ADAM9: variants seen among roughly 807,000 people sequenced by gnomAD.
The protein encoded by ADAM9 is ADAM metallopeptidase domain 9, also known as disintegrin and metalloproteinase domain-containing protein 9.
Under a neutral mutation model 108.1 loss-of-function variants are expected in ADAM9, and 54 were observed. The ratio of observed to expected loss-of-function variants is 0.50; its 90% CI spans 0.40 to 0.63. The LOEUF is 0.63. Among genes scored for constraint, ADAM9 ranks in the 20% least tolerant of loss-of-function variants. The pLI, the probability that ADAM9 is intolerant of heterozygous loss-of-function variation, is 0.00. For synonymous variants in ADAM9, 316 were observed against 336.0 expected (o/e 0.94, Z 0.65); for missense variants, 830 against 997.7 (o/e 0.83, Z 2.26).
chr8:39,030,314 C>A (rs1247787066), intron 11 of ADAM9, among the ~76,000 whole-genome samples: 1 of 152,050 alleles, frequency 6.6e-6, no homozygotes, highest in Non-Finnish European at 1.5e-5. Context: ...TCCATAGTTT[C>A]GTGTTTTCCA....
intron 10 of ADAM9, 62 bp downstream of exon 10, chr8:39,025,946 G>T: frequency 6.7e-7 from 1 of 1,492,030 alleles, no homozygotes; most frequent in South Asian, 1.1e-5. Flanking sequence ...AGCATTTATT[G>T]ACTGTATACT....
intron 13 of ADAM9, among the ~76,000 whole-genome samples, chr8:39,054,903 A>G (rs548738313): frequency 6.6e-6 from 1 of 152,290 alleles, no homozygotes; most frequent in African/African-American, 2.4e-5. Context: ...ACCACTGTTG[A>G]TAATTTGTTA....
intron 1 of ADAM9, among the ~76,000 whole-genome samples, chr8:38,998,128 T>G (rs1564206916): frequency 6.6e-6 from 1 of 152,252 alleles, no homozygotes; most frequent in Non-Finnish European, 1.5e-5. Flanking sequence ...GATTGAAAGT[T>G]ATTCAAAGGT....
At chr8:39,023,906 C>G (rs1836837407) in intron 9 of ADAM9, among the ~76,000 whole-genome samples, 1 of 152,022 alleles carries the variant, frequency 6.6e-6, no homozygotes, top group South Asian at 2.1e-4. Context: ...GCCCCCACAC[C>G]TGGCTAATTT....
In ADAM9 at chr8:39,033,942, T is replaced by C. The variant is rs1176546017; in HGVS notation, c.1130+7132T>C. On this transcript the variant is annotated intron_variant, in intron 11 of 21. Coordinates refer to ENST00000487273, the MANE Select transcript of ADAM9 (RefSeq NM_003816.3). ...TTACACATTGTATGAATGGATCAAG[T>C]GATCACATGTATCCTGAGAATATAT... 2.6e-5 allele frequency among the ~76,000 whole-genome samples: 4 copies of C among 152,350 alleles called. No homozygotes were observed. In the East Asian group the frequency reaches 7.7e-4, roughly 29 times the overall value.
intron 11 of ADAM9, among the ~76,000 whole-genome samples, chr8:39,027,138 A>G (rs148184092): frequency 4.8e-4 from 73 of 152,334 alleles, no homozygotes; most frequent in African/African-American, 1.8e-3. Context: ...GACTGAAAGT[A>G]TAAGAACATG....
At chr8:39,043,561 A>C (rs910432415) in intron 12 of ADAM9, among the ~76,000 whole-genome samples, 1 of 151,946 alleles carries the variant, frequency 6.6e-6, no homozygotes, top group African/African-American at 2.4e-5. Context: ...CCTGTTGGCT[A>C]TTTGTGTGTC....
chr8:39,103,577 CT>C (rs1839766554), intron 21 of ADAM9, 29 bp from the exon 22 acceptor site: 1 of 1,596,146 alleles, frequency 6.3e-7, no homozygotes, highest in African/African-American at 1.3e-5. Context: ...AGTCTAAACA[CT>C]CTATTAACTA....
intron 11 of ADAM9, among the ~76,000 whole-genome samples, chr8:39,033,916 TTTACACATTGTATGAATGGATC>T: frequency 6.6e-6 from 1 of 152,384 alleles, no homozygotes; most frequent in East Asian, 1.9e-4. Flanking sequence ...TGATTTGGTC[TTTACACATTGTATGAATGGATC>T]AAGTGATCAC....
chr8:39,056,788 A>G (rs1186686613), intron 14 of ADAM9, among the ~76,000 whole-genome samples: 2 of 151,996 alleles, frequency 1.3e-5, no homozygotes, highest in Admixed American at 6.6e-5. Context: ...CAAGTATTCT[A>G]TTTATTTCAA....
chr8:39,010,722 G>A (rs1836327868), intron 2 of ADAM9, among the ~76,000 whole-genome samples: 1 of 152,150 alleles, frequency 6.6e-6, no homozygotes, highest in South Asian at 2.1e-4. Flanking sequence ...TGGAGGATGT[G>A]TATATATGTT....
Position 39,025,901 on chromosome 8 carries a change from GT to G in ADAM9, c.996+20del, listed in dbSNP as rs1564262251. 1 of 1,611,192 alleles carries G rather than the reference GT, an allele frequency of 6.2e-7. No individual in the cohort carries two copies. Among genetic ancestry groups the G allele is most frequent in the Admixed American group, 1.7e-5 (1 of 60,014 alleles). ...ATTAATGTGGTACGTTGTTCTTGAT[GT>G]TTAACTTTGGATGTTTGCACTGGGA... is the stretch of plus-strand genomic sequence containing the variant. On this transcript the variant is annotated intron_variant, in intron 10 of 21. Transcript: ENST00000487273.
chr8:39,005,198 C>T (rs1293606012), intron 1 of ADAM9, among the ~76,000 whole-genome samples: 4 of 152,076 alleles, frequency 2.6e-5, no homozygotes, highest in Admixed American at 2.6e-4. Context: ...CATGTTCCTG[C>T]CTAACTATAG....
Position 39,003,383 on chromosome 8 carries a change from A to C in ADAM9, c.98-4503A>C, listed in dbSNP as rs957984782. On this transcript the variant is annotated intron_variant, in intron 1 of 21. Coordinates refer to ENST00000487273, the MANE Select transcript of ADAM9 (RefSeq NM_003816.3). ...CCACAGTACACAGGACAGCGCCCTT[A>C]CAGGTTGAAGGTTTATACAAATAAT... 4.0e-4 allele frequency among the ~76,000 whole-genome samples: 61 copies of C among 152,104 alleles called. 1 individual carries two copies. The highest frequency in any genetic ancestry group is 1.5e-3 in the African/African-American group (61 of 41,502).
In ADAM9 at chr8:39,033,973, T is replaced by C. The variant is rs537914852; in HGVS notation, c.1130+7163T>C. On this transcript the variant is annotated intron_variant, in intron 11 of 21. Transcript: ENST00000487273. ...CATGTATCCTGAGAATATATACATC[T>C]ATTGTGTATCAGTTAAAAATGGGAC... Among the ~76,000 whole-genome samples the C allele has an allele frequency of 5.3e-5, 8 of 152,352 alleles. No individual in the cohort carries two copies. The South Asian group carries it at 1.7e-3, about 32-fold the overall frequency.
At chr8:39,089,976 G>A in intron 18 of ADAM9, 71 bp from the exon 19 acceptor site, 2 of 1,442,296 alleles carry the variant, frequency 1.4e-6, no homozygotes, top group African/African-American at 1.4e-5. Flanking sequence ...AATGTAAAGT[G>A]TTTATAATCA....
In ADAM9 at chr8:39,049,713, A is replaced by G. The variant is rs1837893713; in HGVS notation, c.1303-4768A>G. 2.6e-5 allele frequency among the ~76,000 whole-genome samples: 4 copies of G among 152,216 alleles called. No homozygotes were observed. The South Asian group carries it at 8.3e-4, about 32-fold the overall frequency. ...CTCGGCCTCCCAAAGTGCTGGGATT[A>G]CAGGCGTGAGCCACTGCGCCCGGCC... is the stretch of plus-strand genomic sequence containing the variant. On this transcript the variant is annotated intron_variant, in intron 12 of 21. Transcript: ENST00000487273.
intron 12 of ADAM9, among the ~76,000 whole-genome samples, chr8:39,045,420 ACACACACCTATATGTGCG>A (rs1435253293): frequency 0.016 from 1,041 of 66,454 alleles, 11 homozygotes; most frequent in East Asian, 0.055. Context: ...GCGCGTGTGT[ACACACACCTATATGTGCG>A]CGTGTGTACA....
intron 18 of ADAM9, among the ~76,000 whole-genome samples, chr8:39,086,362 G>C (rs1338467318): frequency 6.6e-6 from 1 of 151,922 alleles, no homozygotes; most frequent in Non-Finnish European, 1.5e-5. Flanking sequence ...GTTTAATTTT[G>C]AGTAACTTCT....
Sources: gnomAD v4.1 joint callset for allele counts (sites outside exome capture counted in the v4.1 genomes callset) on GRCh38, gnomAD v4.1.1 for gene constraint, MANE v1.5 for transcripts, NCBI Gene and HGNC (gene_info 2026-07-23, HGNC 2026-07-21) for gene names.